Variants in SLFN11 observed in about 807,000 individuals in gnomAD.
The protein encoded by SLFN11 is schlafen family member 11.
Under a neutral mutation model 53.4 loss-of-function variants are expected in SLFN11, and 43 were observed. The observed-to-expected ratio is 0.80, with a 90% confidence interval of 0.63 to 1.04. The LOEUF is 1.04. Among genes scored for constraint, SLFN11 ranks in the 50% least tolerant of loss-of-function variants. SLFN11 has a pLI of 0.00. For synonymous variants in SLFN11, 389 were observed against 394.7 expected, an observed-to-expected ratio of 0.99 and a Z score of 0.17; for missense variants, 990 against 1,079.1, an observed-to-expected ratio of 0.92 and a Z score of 1.16.
chr17:35,356,827 CACACAT>C (rs1012358224), intron 5 of SLFN11, among the ~76,000 whole-genome samples: 1 of 151,272 alleles, frequency 6.6e-6, no homozygotes, highest in African/African-American at 2.4e-5. Flanking sequence ...CACACACACA[CACACAT>C]AATAAAATCC....
intron 4 of SLFN11, among the ~76,000 whole-genome samples, chr17:35,362,113 C>T (rs58669523): frequency 0.016 from 2,420 of 152,134 alleles, 62 homozygotes; most frequent in African/African-American, 0.055. Flanking sequence ...AGAGATCCCT[C>T]GTTCATAGCC....
At chr17:35,357,922 C>A (rs1907735715) in intron 5 of SLFN11, among the ~76,000 whole-genome samples, 1 of 145,164 alleles carries the variant, frequency 6.9e-6, no homozygotes, top group Admixed American at 7.0e-5. Flanking sequence ...ATTTATATAT[C>A]TATAAATAAT....
intron 1 of SLFN11, among the ~76,000 whole-genome samples, chr17:35,368,860 A>G (rs1909290675): frequency 6.6e-6 from 1 of 152,078 alleles, no homozygotes; most frequent in African/African-American, 2.4e-5. Context: ...TCCAGACCCT[A>G]TCTCCTGGAC....
Position 35,363,496 on chromosome 17 carries a change from G to A in SLFN11, c.312C>T (p.Tyr104=), listed in dbSNP as rs1470141784. 8.7e-6 allele frequency: 14 copies of A among 1,613,906 alleles called. No homozygotes were observed. The highest frequency in any genetic ancestry group is 1.2e-5 in the Non-Finnish European group (14 of 1,179,990). The change falls in exon 4 of 7, where the codon TAC becomes TAT. Residue 104 remains tyrosine (Y), a synonymous_variant. Coordinates refer to ENST00000685675, the MANE Select transcript of SLFN11 (RefSeq NM_001376007.1). ...CACTGCTCCAAGATTTAACAAAAATGTAAAAACACCTTCCTTGTTGCTTGG... is the reference window on the plus strand; with the variant it reads ...CACTGCTCCAAGATTTAACAAAAATATAAAAACACCTTCCTTGTTGCTTGG... ...FETKQQGRCF[Y]IFVKSWSSGP...
In SLFN11 at chr17:35,363,452, C is replaced by A. The variant is rs577664302; in HGVS notation, c.356G>T (p.Arg119Leu). 7.4e-6 allele frequency: 12 copies of A among 1,613,804 alleles called. No individual in the cohort carries two copies. The highest frequency in any genetic ancestry group is 2.2e-5 in the East Asian group (1 of 44,880). The change falls in exon 4 of 7, where the codon CGC becomes CTC. Residue 119 changes from arginine to leucine, a missense_variant. Arg to Leu is a moderately radical substitution (Grantham distance 102). Coordinates refer to ENST00000685675, the MANE Select transcript of SLFN11 (RefSeq NM_001376007.1). ...GCTGCAAAGGCGGGGCTTGACAGAG[C>A]GATCTTCAGGGAAAGGGCCACTGCT... ...SWSSGPFPED[R>L]SVKPRLCSLS... is the part of the protein sequence containing the mutation.
Position 35,352,711 on chromosome 17 carries a change from G to A in SLFN11, c.2351C>T (p.Thr784Ile), listed in dbSNP as rs574471246. ...QGTLRIKKYL[T>I]VEQIMTCVAD... ...CACACAGGTCATTATTTGCTCCACA[G>A]TCAAGTATTTCTTAATTCGTAAGGT... The change falls in exon 7 of 7, where the codon ACT becomes ATT. Residue 784 changes from threonine (T) to isoleucine (I), a missense_variant. Physicochemically the swap from Thr to Ile is moderately conservative, Grantham distance 89. Coordinates refer to ENST00000685675, the MANE Select transcript of SLFN11 (RefSeq NM_001376007.1). The A allele has an allele frequency of 6.2e-7, 1 of 1,614,190 alleles. No homozygotes were observed. Among genetic ancestry groups the A allele is most frequent in the South Asian group, 1.1e-5 (1 of 91,078 alleles).
rs1250282422 is a variant in SLFN11 at position 35,351,139 on chromosome 17, TTTGA to T, written c.*1213_*1216del. On this transcript the variant is annotated 3_prime_UTR_variant, in exon 7 of 7. Transcript: ENST00000685675. Reference sequence around the variant, plus strand: ...CCAAGACTCTCGCCAGCAGCGAGAGTTTGATTGTGAGGCTTCTCCTCTTGGCTTG... The same window carrying T: ...CCAAGACTCTCGCCAGCAGCGAGAGTTTGTGAGGCTTCTCCTCTTGGCTTG... 6.6e-6 allele frequency: 1 copy of T among 151,892 alleles called. No individual in the cohort carries two copies. The highest frequency in any genetic ancestry group is 1.5e-5 in the Non-Finnish European group (1 of 67,978). The allele number at this position is 151,892 out of a possible 1,614,324, so 9.4% of individuals were successfully genotyped here.
rs764628698 is a variant in SLFN11 at position 35,362,762 on chromosome 17, C to T, written c.1046G>A (p.Gly349Asp). ...VCSLTTEKWVGMMTDTDPDLL... is the reference protein window; with the variant it reads ...VCSLTTEKWVDMMTDTDPDLL... ...ACCTGGATCTGTGTCTGTCATCATGCCTACCCATTTCTCGGTTGTCAGGCT... is the reference window on the plus strand; with the variant it reads ...ACCTGGATCTGTGTCTGTCATCATGTCTACCCATTTCTCGGTTGTCAGGCT... Residue 349 changes from glycine (G) to aspartate (D), a missense_variant, in exon 4 of 7, where the codon GGC becomes GAC. By Grantham distance (94) the Gly-to-Asp change is moderately conservative. Coordinates refer to ENST00000685675, the MANE Select transcript of SLFN11 (RefSeq NM_001376007.1). The T allele has an allele frequency of 5.1e-6, 8 of 1,582,992 alleles. No homozygotes were observed. In the South Asian group the frequency reaches 9.2e-5, roughly 18 times the overall value.
chr17:35,360,488 A>G (rs1908069108), intron 4 of SLFN11, 117 bp from the exon 5 acceptor site: 1 of 998,178 alleles, frequency 1.0e-6, no homozygotes, highest in Admixed American at 3.0e-5. Flanking sequence ...GATAATATCA[A>G]AATAACTCTC....
At chr17:35,354,193 T>TTGA in intron 5 of SLFN11, 134 bp from the exon 6 acceptor site, 1 of 657,590 alleles carries the variant, frequency 1.5e-6, no homozygotes, top group Non-Finnish European at 2.1e-6. Context: ...TAAATATTAT[T>TTGA]ATATTATAGT....
intron 1 of SLFN11, among the ~76,000 whole-genome samples, chr17:35,371,448 A>G (rs1444352814): frequency 1.3e-5 from 2 of 152,148 alleles, no homozygotes; most frequent in East Asian, 1.9e-4. Context: ...AAGCACAGGC[A>G]ACTAAAGCAA....
chr17:35,363,134 T>C lies in SLFN11; in HGVS notation c.674A>G (p.Glu225Gly). 6.2e-7 allele frequency: 1 copy of C among 1,613,816 alleles called. No individual in the cohort carries two copies. Among genetic ancestry groups the C allele is most frequent in the Non-Finnish European group, 8.5e-7 (1 of 1,179,934 alleles). Residue 225 changes from glutamate to glycine, a missense_variant, in exon 4 of 7, where the codon GAA (glutamate) becomes GGA (glycine). By Grantham distance (98) the Glu-to-Gly change is moderately conservative (BLOSUM62 -2). Coordinates refer to ENST00000685675, the MANE Select transcript of SLFN11 (RefSeq NM_001376007.1). Reference protein sequence around the residue: ...FKQFSTKHFQEYVKRTIPEYV... With the variant: ...FKQFSTKHFQGYVKRTIPEYV... ...TTCTGGAATTGTCCTTTTTACATAT[T>C]CTTGGAAGTGTTTTGTAGAGAACTG...
Position 35,372,011 on chromosome 17 carries a change from A to G in SLFN11, c.-235+1463T>C, listed in dbSNP as rs62080982. Among the ~76,000 whole-genome samples the G allele has an allele frequency of 1.7e-3, 255 of 152,292 alleles. 1 individual carries two copies. The highest frequency in any genetic ancestry group is 3.1e-3 in the Non-Finnish European group (213 of 68,022). ...AAGGAAATCAGTATATCCAAGAGAC[A>G]TCTGCACTCCTATGTTTCCTGCAGC... On this transcript the variant is annotated intron_variant, in intron 1 of 6. Coordinates refer to ENST00000685675, the MANE Select transcript of SLFN11 (RefSeq NM_001376007.1).
intron 3 of SLFN11, among the ~76,000 whole-genome samples, chr17:35,366,352 T>A (rs1026713685): frequency 1.3e-5 from 2 of 151,978 alleles, no homozygotes; most frequent in African/African-American, 4.8e-5. Flanking sequence ...ATCAATATAA[T>A]CAACAAATAA....
intron 4 of SLFN11, among the ~76,000 whole-genome samples, chr17:35,361,552 C>G (rs1181022083): frequency 4.6e-5 from 7 of 152,006 alleles, no homozygotes; most frequent in Admixed American, 4.6e-4. Flanking sequence ...GCCTCAAACT[C>G]CAGGGCTCAA....
chr17:35,360,000 A>T (rs1907999888), intron 5 of SLFN11: 1 of 390,004 alleles, frequency 2.6e-6, no homozygotes, highest in Non-Finnish European at 4.6e-6. Flanking sequence ...GGGAACTACA[A>T]GAACAAATAG....
chr17:35,370,520 GGAA>G (rs1909511416), intron 1 of SLFN11, among the ~76,000 whole-genome samples: 1 of 151,962 alleles, frequency 6.6e-6, no homozygotes, highest in Non-Finnish European at 1.5e-5. Flanking sequence ...AAATTGGAAA[GGAA>G]GAAGTCAAAT....
chr17:35,369,675 G>A (rs899442487), intron 1 of SLFN11, among the ~76,000 whole-genome samples: 12 of 152,072 alleles, frequency 7.9e-5, no homozygotes, highest in African/African-American at 2.9e-4. Context: ...AATCAGAGAT[G>A]AAAAAGGAGA....
intron 3 of SLFN11, among the ~76,000 whole-genome samples, chr17:35,365,542 C>T (rs1235257640): frequency 1.3e-5 from 2 of 152,112 alleles, no homozygotes; most frequent in African/African-American, 4.8e-5. Context: ...AATCCTCCTG[C>T]CTTGGCCTCC....
Sources: allele counts gnomAD v4.1 joint callset (sites outside exome capture counted in the v4.1 genomes callset), GRCh38; gene constraint gnomAD v4.1.1; transcripts MANE v1.5; gene names NCBI Gene and HGNC (gene_info 2026-07-23, HGNC 2026-07-21).